The following CIBAR1 variants were observed in gnomAD, a reference collection of about 807,000 sequenced individuals.
CIBAR1 encodes CBY1 interacting BAR domain containing 1, also known as CBY1-interacting BAR domain-containing protein 1.
In CIBAR1, 25 loss-of-function variants were observed where a neutral mutation model predicts 44.0. The observed-to-expected ratio is 0.57, with a 90% CI of 0.41 to 0.79. The LOEUF is 0.79. Among genes scored for constraint, CIBAR1 ranks in the 30% least tolerant of loss-of-function variants. CIBAR1 has a pLI of 0.00. For missense variants in CIBAR1, 278 were observed against 344.8 expected (o/e 0.81, Z 1.53); for synonymous variants, 115 against 119.0 (o/e 0.97, Z 0.22).
intron 4 of CIBAR1, 133 bp downstream of exon 4, chr8:93,705,143 T>G (rs1563639970): frequency 4.9e-6 from 3 of 610,252 alleles, no homozygotes; most frequent in Non-Finnish European, 8.5e-6. Flanking sequence ...AGAAATGCAT[T>G]TAGGAATTCT....
intron 8 of CIBAR1, chr8:93,727,228 C>G: frequency 1.6e-6 from 2 of 1,259,182 alleles, no homozygotes; most frequent in Non-Finnish European, 2.1e-6. Flanking sequence ...AACTTATTTT[C>G]AAGATACAAC....
At chr8:93,715,428 C>A (rs1014211183) in intron 6 of CIBAR1, 5 of 152,034 alleles carry the variant, frequency 3.3e-5, no homozygotes, top group Non-Finnish European at 7.4e-5. Flanking sequence ...TAAAACTTAT[C>A]CATAAAATTA....
chr8:93,721,590 G>A (rs991978495), intron 7 of CIBAR1, among the ~76,000 whole-genome samples: 3 of 151,942 alleles, frequency 2.0e-5, no homozygotes, highest in Admixed American at 6.6e-5. Context: ...TAACTTCTTC[G>A]CTCTTCAGCT....
At position 93,701,300 on chromosome 8, in the gene CIBAR1, G is replaced by T. The variant is rs773238610; in HGVS notation, c.103G>T (p.Ala35Ser). The T allele has an allele frequency of 1.2e-6, 2 of 1,613,790 alleles. No individual in the cohort carries two copies. The highest frequency in any genetic ancestry group is 1.7e-6 in the Non-Finnish European group (2 of 1,179,836). ...KHFGELCQIF[A>S]AYVRKTARLR... ...TTTTGGAGAACTGTGCCAAATCTTC[G>T]CTGCCTATGTGCGGAAAACTGCCAG... The change falls in exon 2 of 9, where the codon GCT becomes TCT. Residue 35 changes from alanine to serine, a missense_variant. Physicochemically the swap from Ala to Ser is moderately conservative, Grantham distance 99. Around this residue, in one of 3 missense-constraint regions of CIBAR1, gnomAD observed 183 missense variants for 218.6 expected, o/e 0.84. Coordinates refer to ENST00000518322, the MANE Select transcript of CIBAR1 (RefSeq NM_145269.5).
chr8:93,719,923 A>G (rs1435445310), intron 7 of CIBAR1: 1 of 151,820 alleles, frequency 6.6e-6, no homozygotes. Context: ...TTAATAAAAT[A>G]TGGAAGTGTC....
Position 93,716,468 on chromosome 8 carries a change from C to T in CIBAR1, c.544-2207C>T, listed in dbSNP as rs1016794917. Among the ~76,000 whole-genome samples, 5 of 151,762 alleles carry T rather than the reference C, an allele frequency of 3.3e-5. No homozygotes were observed. In the East Asian group the frequency reaches 5.8e-4, roughly 18 times the overall value. Reference sequence around the variant, plus strand: ...TGCTGAGCTTTTTAAATGTATTTAGCGATACATTCCTTTAGTAAATTATAT... The same window carrying T: ...TGCTGAGCTTTTTAAATGTATTTAGTGATACATTCCTTTAGTAAATTATAT... On this transcript the variant is annotated intron_variant, in intron 6 of 8. Transcript: ENST00000518322.
intron 6 of CIBAR1, chr8:93,715,561 G>A (rs1811008499): frequency 6.6e-6 from 1 of 152,118 alleles, no homozygotes; most frequent in Non-Finnish European, 1.5e-5. Flanking sequence ...AACATTGTCT[G>A]TGTGCCAGGT....
At chr8:93,708,173 T>C (rs1810678791) in intron 5 of CIBAR1, among the ~76,000 whole-genome samples, 157 bp downstream of exon 5, 1 of 152,180 alleles carries the variant, frequency 6.6e-6, no homozygotes, top group Non-Finnish European at 1.5e-5. Flanking sequence ...TTTTCTATGA[T>C]TAATTATTAA....
At chr8:93,703,737 C>A (rs6997642) in intron 3 of CIBAR1, 49 bp downstream of exon 3, 1 of 1,437,110 alleles carries the variant, frequency 7.0e-7, no homozygotes, top group South Asian at 1.3e-5. Flanking sequence ...CTGGCAAAGA[C>A]TATGAGGTTT....
Position 93,701,460 on chromosome 8 carries a change from T to A in CIBAR1, c.261+2T>A. ...CTTCAGGATTATCGACAAGCAGAGGTATGGAGTGAGATCACAGTGTCATTG... is the reference window on the plus strand; with the variant it reads ...CTTCAGGATTATCGACAAGCAGAGGAATGGAGTGAGATCACAGTGTCATTG... On this transcript the variant is annotated splice_donor_variant, in intron 2 of 8. Coordinates refer to ENST00000518322, the MANE Select transcript of CIBAR1 (RefSeq NM_145269.5). LOFTEE classifies it high-confidence loss of function. 6.2e-7 allele frequency: 1 copy of A among 1,611,234 alleles called. No individual in the cohort carries two copies. Among genetic ancestry groups the A allele is most frequent in the Non-Finnish European group, 8.5e-7 (1 of 1,178,530 alleles).
At chr8:93,721,416 G>A (rs963750185) in intron 7 of CIBAR1, among the ~76,000 whole-genome samples, 1 of 151,952 alleles carries the variant, frequency 6.6e-6, no homozygotes, top group African/African-American at 2.4e-5. Flanking sequence ...ATATTTTTTT[G>A]TCACACCACT....
chr8:93,702,935 CT>C lies in CIBAR1; in HGVS notation c.262-683del, dbSNP rs529364804. On this transcript the variant is annotated intron_variant, in intron 2 of 8. Coordinates refer to ENST00000518322, the MANE Select transcript of CIBAR1 (RefSeq NM_145269.5). ...TCTTATGCTATATTTAAATACTTGC[CT>C]TAAAAAAAATCTCTCTTCAGTGCCT... Among the ~76,000 whole-genome samples the C allele has an allele frequency of 1.9e-4, 29 of 151,932 alleles. 1 individual carries two copies. In the South Asian group the frequency reaches 5.8e-3, roughly 31 times the overall value.
At chr8:93,722,714 T>A (rs1811314991) in intron 7 of CIBAR1, among the ~76,000 whole-genome samples, 1 of 151,458 alleles carries the variant, frequency 6.6e-6, no homozygotes, top group South Asian at 2.1e-4. Flanking sequence ...AAAAAAAAAA[T>A]ATTGTCAGGT....
intron 2 of CIBAR1, chr8:93,701,713 G>T: frequency 2.1e-6 from 1 of 478,178 alleles, no homozygotes; most frequent in Admixed American, 3.7e-5. Context: ...TTTTGGCCAA[G>T]GGGTGGCTGT....
At chr8:93,725,536 T>C (rs918743273) in intron 7 of CIBAR1, among the ~76,000 whole-genome samples, 1 of 151,918 alleles carries the variant, frequency 6.6e-6, no homozygotes, top group East Asian at 1.9e-4. Context: ...GAAAAGAAAT[T>C]TGTTTAAAAA....
chr8:93,709,586 A>G (rs2130312014), intron 5 of CIBAR1, 185 bp from the exon 6 acceptor site: 2 of 541,914 alleles, frequency 3.7e-6, no homozygotes, highest in Non-Finnish European at 6.7e-6. Flanking sequence ...ATCACTAAAT[A>G]AAGTTCTTTA....
chr8:93,730,723 G>A lies in CIBAR1; in HGVS notation c.*2426G>A, dbSNP rs1429465092. The A allele has an allele frequency of 6.6e-6, 1 of 152,210 alleles. No homozygotes were observed. The highest frequency in any genetic ancestry group is 1.9e-4 in the East Asian group (1 of 5,186). 9.4% of individuals were successfully genotyped at this position (152,210 alleles called of 1,614,324 possible). ...TGTTATTGACATATCACTAAAGGCA[G>A]AGTTGGAGAGAGATGTGCAAAGATG... On this transcript the variant is annotated 3_prime_UTR_variant, in exon 9 of 9. Coordinates refer to ENST00000518322, the MANE Select transcript of CIBAR1 (RefSeq NM_145269.5).
intron 7 of CIBAR1, chr8:93,725,967 A>G: frequency 6.4e-6 from 1 of 157,012 alleles, no homozygotes; most frequent in Non-Finnish European, 1.4e-5. Context: ...GGAATCCATA[A>G]ATTATAGTGG....
intron 6 of CIBAR1, among the ~76,000 whole-genome samples, chr8:93,712,691 C>A (rs1387432015): frequency 1.3e-5 from 2 of 152,158 alleles, no homozygotes; most frequent in Non-Finnish European, 2.9e-5. Context: ...TCTCTGCATC[C>A]TCACTACTTG....
Sources: allele counts gnomAD v4.1 joint callset (sites outside exome capture counted in the v4.1 genomes callset), GRCh38; gene constraint gnomAD v4.1.1; regional missense constraint gnomAD v4.1.1; transcripts MANE v1.5; gene names NCBI Gene and HGNC (gene_info 2026-07-23, HGNC 2026-07-21).